Variants in RPH3AL observed in about 807,000 individuals in gnomAD.
RPH3AL encodes rab effector Noc2.
RPH3AL carries 38 observed loss-of-function variants against 43.1 expected under a neutral mutation model. The ratio of observed to expected loss-of-function variants is 0.88; its 90% CI spans 0.68 to 1.15. The LOEUF is 1.15. Among genes scored for constraint, RPH3AL ranks in the 50% most tolerant of loss-of-function variants. The pLI is 0.00. For synonymous variants in RPH3AL, 189 were observed against 176.3 expected, an observed-to-expected ratio of 1.07 and a Z score of -0.57; for missense variants, 462 against 423.2, an observed-to-expected ratio of 1.09 and a Z score of -0.81.
At chr17:249,683 A>G (rs1555541514) in intron 6 of RPH3AL, among the ~76,000 whole-genome samples, 1 of 152,156 alleles carries the variant, frequency 6.6e-6, no homozygotes, top group African/African-American at 2.4e-5. Flanking sequence ...AGCCAAAAAA[A>G]AAAAAAAAAG....
intron 7 of RPH3AL, among the ~76,000 whole-genome samples, chr17:237,362 T>C (rs2041423100): frequency 6.6e-6 from 1 of 152,214 alleles, no homozygotes; most frequent in African/African-American, 2.4e-5. Context: ...CACCCTGTTC[T>C]GGAACAGACC....
At chr17:308,683 A>T (rs1598063506) in intron 5 of RPH3AL, among the ~76,000 whole-genome samples, 1 of 152,334 alleles carries the variant, frequency 6.6e-6, no homozygotes, top group South Asian at 2.1e-4. Flanking sequence ...TGCAAAGGGC[A>T]CCTGGTTAAA....
chr17:316,308 T>C, intron 5 of RPH3AL, among the ~76,000 whole-genome samples: 1 of 146,912 alleles, frequency 6.8e-6, no homozygotes, highest in Non-Finnish European at 1.5e-5. Flanking sequence ...CCACCTCCAT[T>C]GACCTGTAGT....
intron 1 of RPH3AL, among the ~76,000 whole-genome samples, chr17:347,737 GCACACT>G (rs1458307090): frequency 6.6e-6 from 1 of 152,138 alleles, no homozygotes; most frequent in African/African-American, 2.4e-5. Flanking sequence ...TCAAGAACCG[GCACACT>G]CATGTTGACT....
At chr17:226,110 A>G (rs2041101366) in intron 7 of RPH3AL, among the ~76,000 whole-genome samples, 2 of 152,258 alleles carry the variant, frequency 1.3e-5, no homozygotes, top group African/African-American at 4.8e-5. Flanking sequence ...CACCTGGCCT[A>G]GTCCCCATTT....
chr17:307,237 G>A (rs865809690), intron 5 of RPH3AL, among the ~76,000 whole-genome samples: 22 of 95,386 alleles, frequency 2.3e-4, no homozygotes, highest in African/African-American at 8.6e-4. Flanking sequence ...TCCATCCCAC[G>A]GCAGGTCCTC....
intron 6 of RPH3AL, among the ~76,000 whole-genome samples, chr17:249,855 C>T (rs553445747): frequency 6.7e-6 from 1 of 149,104 alleles, no homozygotes; most frequent in Non-Finnish European, 1.5e-5. Flanking sequence ...TACCAAGCTC[C>T]GTCGCTGCAG....
chr17:293,754 C>T (rs6565707), intron 5 of RPH3AL, among the ~76,000 whole-genome samples: 110,061 of 151,876 alleles, frequency 0.72, 40,260 homozygotes, highest in Middle Eastern at 0.8. Context: ...TCTGGTCGGG[C>T]GCGGTGGCTC....
chr17:307,311 C>T (rs868969647), intron 5 of RPH3AL, among the ~76,000 whole-genome samples: 2 of 2,058 alleles, frequency 9.7e-4, no homozygotes, highest in South Asian at 0.026. Flanking sequence ...GGCAGGTCCT[C>T]CCCACGGCAG....
At chr17:224,218 CAAAAGCACAG>C (rs762138400) in intron 7 of RPH3AL, among the ~76,000 whole-genome samples, 4,427 of 152,302 alleles carry the variant, frequency 0.029, 110 homozygotes, top group Non-Finnish European at 0.045. Context: ...GATGCTCCAG[CAAAAGCACAG>C]ATCCCAGCTT....
At position 219,542 on chromosome 17, in the gene RPH3AL, T is replaced by TTTTTTTTTTTTTTG; in HGVS notation, c.727+80_727+81insCAAAAAAAAAAAAA. On this transcript the variant is annotated intron_variant, in intron 8 of 9. Coordinates refer to ENST00000331302, the MANE Select transcript of RPH3AL (RefSeq NM_006987.4). ...TTTTTCTTCCTTTTTTTTTTTTTTT[T>TTTTTTTTTTTTTTG]GAGATGGAGTTTCGCTCCTGTTGCC... 11 of 374,902 alleles carry TTTTTTTTTTTTTTG rather than the reference T, an allele frequency of 2.9e-5. 3 individuals are homozygous for TTTTTTTTTTTTTTG. The highest frequency in any genetic ancestry group is 1.4e-4 in the East Asian group (3 of 22,222). The allele number at this position is 374,902 out of a possible 1,614,324, so 23.2% of individuals were successfully genotyped here. A position where few individuals can be genotyped will look rare whatever the true frequency, so the allele number is the denominator to read the frequency against.
intron 6 of RPH3AL, among the ~76,000 whole-genome samples, chr17:253,251 C>A (rs1360133772): frequency 2.0e-5 from 3 of 152,198 alleles, no homozygotes; most frequent in African/African-American, 7.2e-5. Flanking sequence ...ACCTCACGCC[C>A]AGCCAGTCAA....
intron 7 of RPH3AL, among the ~76,000 whole-genome samples, chr17:224,710 A>G (rs893970857): frequency 2.0e-4 from 31 of 152,290 alleles, no homozygotes; most frequent in Admixed American, 4.6e-4. Flanking sequence ...ACTTGGAACC[A>G]ACCCAAATGT....
rs544602724 is a variant in RPH3AL, at chr17:258,508, G to A, written c.439-11223C>T. Among the ~76,000 whole-genome samples, 99 of 152,258 alleles carry A rather than the reference G, an allele frequency of 6.5e-4. 1 individual carries two copies. The highest frequency in any genetic ancestry group is 2.2e-3 in the African/African-American group (90 of 41,546). ...GGGGTGTGCTGGTGGGGAGGAAAGCGCAGTGAGCCTCCCTGACTGCCCAGG... is the reference window on the plus strand; with the variant it reads ...GGGGTGTGCTGGTGGGGAGGAAAGCACAGTGAGCCTCCCTGACTGCCCAGG... On this transcript the variant is annotated intron_variant, in intron 6 of 9. Coordinates refer to ENST00000331302, the MANE Select transcript of RPH3AL (RefSeq NM_006987.4).
At chr17:330,324 G>A (rs2044720908) in intron 2 of RPH3AL, among the ~76,000 whole-genome samples, 1 of 152,196 alleles carries the variant, frequency 6.6e-6, no homozygotes, top group Non-Finnish European at 1.5e-5. Context: ...AGCCAAGCGT[G>A]GAAATCCCAT....
chr17:338,965 C>G, intron 1 of RPH3AL: 1 of 152,986 alleles, frequency 6.5e-6, no homozygotes, highest in East Asian at 1.9e-4. Flanking sequence ...AGCTTCTGCA[C>G]GGCCCAGCCC....
chr17:302,337 A>G (rs1412957745), intron 5 of RPH3AL, among the ~76,000 whole-genome samples: 1 of 152,212 alleles, frequency 6.6e-6, no homozygotes, highest in East Asian at 1.9e-4. Context: ...CGACTCTCGC[A>G]GGTGTAGCAG....
At chr17:295,668 T>A (rs1250042710) in intron 5 of RPH3AL, among the ~76,000 whole-genome samples, 1 of 11,254 alleles carries the variant, frequency 8.9e-5, no homozygotes, top group Admixed American at 8.0e-4. Flanking sequence ...GGGACACAGA[T>A]GCTGCAGAAA....
chr17:240,839 C>T (rs1175831832), intron 7 of RPH3AL, among the ~76,000 whole-genome samples: 2 of 151,688 alleles, frequency 1.3e-5, no homozygotes, highest in Non-Finnish European at 2.9e-5. Flanking sequence ...GCGGGAGGAT[C>T]ACGAGGTCAG....
Sources: allele counts gnomAD v4.1 joint callset (sites outside exome capture counted in the v4.1 genomes callset), GRCh38; gene constraint gnomAD v4.1.1; transcripts MANE v1.5; gene names NCBI Gene and HGNC (gene_info 2026-07-23, HGNC 2026-07-21).